FILIP1: variants seen among roughly 807,000 people sequenced by gnomAD.
The protein encoded by FILIP1 is filamin A interacting protein 1.
Under a neutral mutation model 102.1 loss-of-function variants are expected in FILIP1, and 61 were observed. That is an observed-to-expected ratio of 0.60 (90% CI 0.49 to 0.74). FILIP1 has a LOEUF of 0.74. Among genes scored for constraint, FILIP1 ranks in the 30% least tolerant of loss-of-function variants. The pLI, the probability that FILIP1 is intolerant of heterozygous loss-of-function variation, is 0.00. For synonymous variants in FILIP1, 491 were observed against 526.9 expected, an observed-to-expected ratio of 0.93 and a Z score of 0.93; for missense variants, 1,314 against 1,441.2, an observed-to-expected ratio of 0.91 and a Z score of 1.43.
At chr6:75,481,675 A>G (rs758807599) in intron 1 of FILIP1, among the ~76,000 whole-genome samples, 11 of 152,264 alleles carry the variant, frequency 7.2e-5, no homozygotes, top group Middle Eastern at 3.4e-3. Context: ...TTTAGATCCT[A>G]TGTTCTATCA....
intron 2 of FILIP1, among the ~76,000 whole-genome samples, chr6:75,401,051 C>T (rs1260594274): frequency 1.3e-5 from 2 of 152,092 alleles, no homozygotes; most frequent in East Asian, 3.9e-4. Context: ...AAAAGCCTTT[C>T]CCCACCCCTA....
chr6:75,473,851 C>T lies in FILIP1; in HGVS notation c.-7+19563G>A, dbSNP rs1300339227. 2.0e-5 allele frequency: 3 copies of T among 152,042 alleles called. No individual in the cohort carries two copies. The East Asian group carries it at 5.8e-4, about 29-fold the overall frequency. 9.4% of individuals were successfully genotyped at this position (152,042 alleles called of 1,614,324 possible). ...CCAGAGTGCAATGGATGAGCCTCGC[C>T]CTGGGAAAACCACCTTCATGATCAT... On this transcript the variant is annotated intron_variant, in intron 1 of 5. Transcript: ENST00000237172.
chr6:75,341,666 T>C (rs1774424651), intron 4 of FILIP1, among the ~76,000 whole-genome samples: 1 of 152,236 alleles, frequency 6.6e-6, no homozygotes, highest in Non-Finnish European at 1.5e-5. Context: ...ATATAAAAAC[T>C]ACTGATTTTT....
chr6:75,322,829 G>C (rs577346265), intron 4 of FILIP1, among the ~76,000 whole-genome samples: 1 of 152,052 alleles, frequency 6.6e-6, no homozygotes, highest in Admixed American at 6.6e-5. Context: ...GAGTAGCTGG[G>C]ACTACAGGCA....
chr6:75,320,271 T>C (rs1465685460), intron 4 of FILIP1, among the ~76,000 whole-genome samples: 1 of 152,038 alleles, frequency 6.6e-6, no homozygotes, highest in Non-Finnish European at 1.5e-5. Flanking sequence ...AACATAAATC[T>C]GTAGGCTGGG....
chr6:75,460,740 A>T (rs950705930), intron 1 of FILIP1, among the ~76,000 whole-genome samples: 3 of 152,202 alleles, frequency 2.0e-5, no homozygotes, highest in Non-Finnish European at 4.4e-5. Flanking sequence ...TGTGCATCTC[A>T]TCTCAGAAGA....
exon 7 of FILIP1, chr6:75,294,863 CTTTTTTTTTTTT>C (rs11299703): frequency 2.0e-4 from 18 of 90,566 alleles, no homozygotes; most frequent in South Asian, 1.5e-3. Flanking sequence ...CAGCTAACTT[CTTTTTTTTTTTT>C]TTTTTTTTTT....
intron 2 of FILIP1, among the ~76,000 whole-genome samples, chr6:75,391,299 C>T (rs1043346682): frequency 1.5e-4 from 23 of 152,092 alleles, no homozygotes. Context: ...AAATCTCTCT[C>T]CCCAGAGAAA....
intron 2 of FILIP1, among the ~76,000 whole-genome samples, chr6:75,396,364 A>G (rs1409620194): frequency 6.6e-6 from 1 of 151,940 alleles, no homozygotes; most frequent in Admixed American, 6.6e-5. Flanking sequence ...CATACCAGTT[A>G]AGAGTCTGTT....
intron 5 of FILIP1, among the ~76,000 whole-genome samples, chr6:75,309,348 A>G (rs1270044448): frequency 1.3e-5 from 2 of 151,956 alleles, no homozygotes; most frequent in African/African-American, 2.4e-5. Context: ...TGCTGACCAC[A>G]TCCTCCTTTT....
intron 1 of FILIP1, among the ~76,000 whole-genome samples, chr6:75,480,090 T>G (rs931349477): frequency 2.0e-5 from 3 of 151,968 alleles, no homozygotes; most frequent in Non-Finnish European, 4.4e-5. Context: ...TTTAAATTTT[T>G]TTTGTTAGTA....
intron 2 of FILIP1, among the ~76,000 whole-genome samples, chr6:75,389,801 G>A (rs565053522): frequency 6.6e-6 from 1 of 151,758 alleles, no homozygotes; most frequent in South Asian, 2.1e-4. Context: ...TATCTATTTT[G>A]CCATCATTTT....
intron 1 of FILIP1, among the ~76,000 whole-genome samples, chr6:75,446,336 A>T (rs1223686675): frequency 6.6e-6 from 1 of 152,162 alleles, no homozygotes; most frequent in Non-Finnish European, 1.5e-5. Context: ...CAAAGCCCAA[A>T]TTCTCTAGAG....
intron 1 of FILIP1, among the ~76,000 whole-genome samples, chr6:75,457,954 G>C (rs1778898854): frequency 6.6e-6 from 1 of 152,068 alleles, no homozygotes; most frequent in Admixed American, 6.5e-5. Flanking sequence ...GTGGAGGAGA[G>C]AGCAATTTTG....
At chr6:75,453,458 T>C (rs1423159675) in intron 1 of FILIP1, among the ~76,000 whole-genome samples, 6 of 152,198 alleles carry the variant, frequency 3.9e-5, no homozygotes, top group Admixed American at 1.3e-4. Context: ...GTTGTGCACA[T>C]AGTATGGGTT....
At chr6:75,361,587 T>C (rs1426963245) in intron 3 of FILIP1, among the ~76,000 whole-genome samples, 1 of 152,230 alleles carries the variant, frequency 6.6e-6, no homozygotes, top group African/African-American at 2.4e-5. Context: ...CAGCAAATTC[T>C]AATAACTAAT....
intron 4 of FILIP1, chr6:75,319,082 CTT>C (rs2149559208): frequency 2.7e-6 from 2 of 731,130 alleles, no homozygotes; most frequent in East Asian, 2.8e-5. Flanking sequence ...TCTTCCTCCT[CTT>C]CATCCTCTTC....
intron 1 of FILIP1, among the ~76,000 whole-genome samples, chr6:75,437,590 A>C (rs932863018): frequency 6.6e-6 from 1 of 152,196 alleles, no homozygotes; most frequent in South Asian, 2.1e-4. Context: ...GGTAACTGCC[A>C]CAAGTACAGT....
At chr6:75,427,413 A>G (rs564255966) in intron 1 of FILIP1, among the ~76,000 whole-genome samples, 4 of 152,182 alleles carry the variant, frequency 2.6e-5, no homozygotes, top group African/African-American at 9.7e-5. Context: ...CATGCAAAGA[A>G]ATTTTCCTTT....
Sources: gnomAD v4.1 joint callset for allele counts (sites outside exome capture counted in the v4.1 genomes callset) on GRCh38, gnomAD v4.1.1 for gene constraint, MANE v1.5 for transcripts, NCBI Gene and HGNC (gene_info 2026-07-23, HGNC 2026-07-21) for gene names.